Variants in BRIP1 observed in about 807,000 individuals in gnomAD.
BRIP1 encodes BRCA1 interacting DNA helicase 1, also known as Fanconi anemia group J protein.
BRIP1 carries 88 observed loss-of-function variants against 119.7 expected under a neutral mutation model. The observed-to-expected ratio is 0.74, with a 90% CI of 0.62 to 0.88. The LOEUF (loss-of-function observed/expected upper bound fraction) is 0.88. BRIP1 is among the 40% of genes least tolerant of loss of function. The pLI, the probability that BRIP1 is intolerant of heterozygous loss-of-function variation, is 0.00. For missense variants in BRIP1, 1,259 were observed against 1,455.4 expected, an observed-to-expected ratio of 0.87 and a Z score of 2.20; for synonymous variants, 443 against 496.5, an observed-to-expected ratio of 0.89 and a Z score of 1.43.
At chr17:61,790,144 A>C (rs2077793255) in intron 10 of BRIP1, among the ~76,000 whole-genome samples, 1 of 152,158 alleles carries the variant, frequency 6.6e-6, no homozygotes, top group Admixed American at 6.5e-5. Context: ...CAGTACTTCA[A>C]CTTCTGTCAC....
intron 6 of BRIP1, among the ~76,000 whole-genome samples, chr17:61,821,472 T>C (rs762601652): frequency 5.3e-5 from 8 of 152,094 alleles, no homozygotes; most frequent in Non-Finnish European, 7.4e-5. Flanking sequence ...CCAGACCCTA[T>C]TCTCCTGCCT....
chr17:61,800,291 CACAG>C (rs1464849143), intron 8 of BRIP1, among the ~76,000 whole-genome samples: 3 of 152,060 alleles, frequency 2.0e-5, no homozygotes, highest in Admixed American at 2.0e-4. Context: ...AGTAAGAATA[CACAG>C]ACAGCTGAAA....
chr17:61,829,856 A>G (rs2078463033), intron 6 of BRIP1, among the ~76,000 whole-genome samples: 1 of 152,100 alleles, frequency 6.6e-6, no homozygotes, highest in Non-Finnish European at 1.5e-5. Context: ...AGGGAAATGT[A>G]TAGCTTTCAT....
chr17:61,749,485 G>C (rs1454024033), intron 14 of BRIP1, among the ~76,000 whole-genome samples: 1 of 152,098 alleles, frequency 6.6e-6, no homozygotes, highest in African/African-American at 2.4e-5. Flanking sequence ...TGGTTAACAG[G>C]TATATGGAAA....
At chr17:61,790,376 C>G (rs1443773009) in intron 10 of BRIP1, among the ~76,000 whole-genome samples, 2 of 151,986 alleles carry the variant, frequency 1.3e-5, no homozygotes, top group African/African-American at 4.8e-5. Flanking sequence ...GAAACTCCGT[C>G]TCTACTAAAA....
intron 11 of BRIP1, among the ~76,000 whole-genome samples, chr17:61,782,029 A>T (rs1420188148): frequency 6.6e-6 from 1 of 152,102 alleles, no homozygotes; most frequent in Non-Finnish European, 1.5e-5. Flanking sequence ...TAAAGTTGGG[A>T]ACTTAACAAC....
chr17:61,817,660 T>G (rs1316587556), intron 6 of BRIP1, among the ~76,000 whole-genome samples: 1 of 152,238 alleles, frequency 6.6e-6, no homozygotes, highest in African/African-American at 2.4e-5. Flanking sequence ...ATGTAATTAG[T>G]ACAACTAACT....
rs1411068913 is a variant in BRIP1 at position 61,753,266 on chromosome 17, T to C, written c.2098-8675A>G. Among the ~76,000 whole-genome samples, 2 of 152,148 alleles carry C rather than the reference T, an allele frequency of 1.3e-5. No homozygotes were observed. Among genetic ancestry groups the C allele is most frequent in the Admixed American group, 1.3e-4 (2 of 15,278 alleles). On this transcript the variant is annotated intron_variant, in intron 14 of 19. Transcript: ENST00000259008. This position sits in a 1 kb window ranked among gnomAD's most constrained non-coding sequence, Gnocchi z 4.6. ...TCTGTAACTGCAAGAAATAAATTCC[T>C]TTTAAAAAATAAATCACCCAGTTTC...
Position 61,710,858 on chromosome 17 carries a change from T to C in BRIP1, c.2492+5093A>G, listed in dbSNP as rs1370098858. ...GAGTTTGAGACCAGCCTGTCCATCA[T>C]GGTGAAACCCCGTCTCTACTAAAAA... On this transcript the variant is annotated intron_variant, in intron 17 of 19. Transcript: ENST00000259008. The surrounding 1 kb of genome is among the most constrained non-coding windows in gnomAD (Gnocchi z 5.4). 6.6e-6 allele frequency among the ~76,000 whole-genome samples: 1 copy of C among 152,010 alleles called. No individual in the cohort carries two copies. Among genetic ancestry groups the C allele is most frequent in the Admixed American group, 6.6e-5 (1 of 15,248 alleles).
intron 19 of BRIP1, chr17:61,685,392 A>G (rs1450334069): frequency 1.8e-5 from 3 of 162,944 alleles, no homozygotes; most frequent in Non-Finnish European, 2.6e-5. Flanking sequence ...CTATCTATAT[A>G]GGAAAAGTAG....
In BRIP1 at chr17:61,742,215, AAG is replaced by A. The variant is rs1024466561; in HGVS notation, c.2379+796_2379+797del. ...ACCTCTCTCAGCTTTCACAGAATTG[AAG>A]AGAGTTAGGGCCTTGCTCTGAATTA... On this transcript the variant is annotated intron_variant, in intron 16 of 19. Transcript: ENST00000259008. The surrounding 1 kb of genome is among the most constrained non-coding windows in gnomAD (Gnocchi z 4.7). Among the ~76,000 whole-genome samples the A allele has an allele frequency of 4.3e-4, 66 of 152,352 alleles. No homozygotes were observed. The highest frequency in any genetic ancestry group is 1.6e-3 in the African/African-American group (65 of 41,580).
chr17:61,712,306 C>A (rs1485798833), intron 17 of BRIP1, among the ~76,000 whole-genome samples: 3 of 152,036 alleles, frequency 2.0e-5, no homozygotes, highest in African/African-American at 7.2e-5. Context: ...CTCCACCTAC[C>A]AGGTTCAAGC....
intron 3 of BRIP1, among the ~76,000 whole-genome samples, chr17:61,859,171 C>CT (rs1235918783): frequency 6.6e-6 from 1 of 151,328 alleles, no homozygotes; most frequent in Non-Finnish European, 1.5e-5. Context: ...AGAATGTATT[C>CT]TTTTTTATAT....
chr17:61,808,747 T>C lies in BRIP1; in HGVS notation c.638A>G (p.His213Arg), dbSNP rs376760085. 29 of 1,612,944 alleles carry C rather than the reference T, an allele frequency of 1.8e-5. No individual in the cohort carries two copies. The highest frequency in any genetic ancestry group is 2.5e-5 in the Non-Finnish European group (29 of 1,179,876). Residue 213 changes from histidine to arginine, a missense_variant, in exon 7 of 20, where the codon CAC (histidine) becomes CGC (arginine). Around this residue, in one of 3 missense-constraint regions of BRIP1, gnomAD observed 501 missense variants for 544.0 expected, o/e 0.92. Transcript: ENST00000259008. This position sits in a 1 kb window ranked among gnomAD's most constrained non-coding sequence, Gnocchi z 4.1. Reference sequence around the variant, plus strand: ...AGTAGAACAACAGCACCTAGAACAGTGGCCAGGGGGCTGTAAGAAAGGAAA... The same window carrying C: ...AGTAGAACAACAGCACCTAGAACAGCGGCCAGGGGGCTGTAAGAAAGGAAA... The part of the protein sequence containing the change: ...NSFSPQKPPG[H>R]CSRCCCSTKQ...
At position 61,744,045 on chromosome 17, in the gene BRIP1, T is replaced by G. The variant is rs1294531792; in HGVS notation, c.2257+387A>C. On this transcript the variant is annotated intron_variant, in intron 15 of 19. Coordinates refer to ENST00000259008, the MANE Select transcript of BRIP1 (RefSeq NM_032043.3). This position sits in a 1 kb window ranked among gnomAD's most constrained non-coding sequence, Gnocchi z 5.0. ...TGGAATTGAGTTTTCAGTTATGTTTTGAAAATTCAAGTTTACCTTATGTAA... is the reference window on the plus strand; with the variant it reads ...TGGAATTGAGTTTTCAGTTATGTTTGGAAAATTCAAGTTTACCTTATGTAA... 6.6e-6 allele frequency among the ~76,000 whole-genome samples: 1 copy of G among 152,300 alleles called. No homozygotes were observed. The highest frequency in any genetic ancestry group is 1.9e-4 in the East Asian group (1 of 5,180).
chr17:61,820,848 G>A, intron 6 of BRIP1, among the ~76,000 whole-genome samples: 1 of 152,036 alleles, frequency 6.6e-6, no homozygotes, highest in East Asian at 1.9e-4. Flanking sequence ...TACTCGGGAG[G>A]CTGGGGCAGG....
rs2078345028 is a variant in BRIP1, at chr17:61,822,714, CA to C, written c.628-13958del. On this transcript the variant is annotated intron_variant, in intron 6 of 19. Transcript: ENST00000259008. This position sits in a 1 kb window ranked among gnomAD's most constrained non-coding sequence, Gnocchi z 4.4. ...GAAAGGAGGAAAAATAATTGACAAA[CA>C]TCCAGTGATGTGTAAATGTGTAGTG... Among the ~76,000 whole-genome samples the C allele has an allele frequency of 6.6e-6, 1 of 151,884 alleles. No homozygotes were observed. Among genetic ancestry groups the C allele is most frequent in the African/African-American group, 2.4e-5 (1 of 41,296 alleles).
At position 61,848,042 on chromosome 17, in the gene BRIP1, T is replaced by C. The variant is rs1381721080; in HGVS notation, c.508-822A>G. 2.0e-5 allele frequency among the ~76,000 whole-genome samples: 3 copies of C among 152,186 alleles called. No individual in the cohort carries two copies. The highest frequency in any genetic ancestry group is 2.9e-5 in the Non-Finnish European group (2 of 68,038). Reference sequence around the variant, plus strand: ...TATTTCTAAAAACAAGGCTGAATTATAGAAATTTATAAAGACTGTAAGTGG... The same window carrying C: ...TATTTCTAAAAACAAGGCTGAATTACAGAAATTTATAAAGACTGTAAGTGG... On this transcript the variant is annotated intron_variant, in intron 5 of 19. Transcript: ENST00000259008. This position sits in a 1 kb window ranked among gnomAD's most constrained non-coding sequence, Gnocchi z 4.3.
chr17:61,826,296 A>G (rs891411574), intron 6 of BRIP1, among the ~76,000 whole-genome samples: 1 of 152,216 alleles, frequency 6.6e-6, no homozygotes, highest in Non-Finnish European at 1.5e-5. Context: ...AAAACCCTGG[A>G]AGACAACCTA....
Sources: allele counts gnomAD v4.1 joint callset (sites outside exome capture counted in the v4.1 genomes callset), GRCh38; gene constraint gnomAD v4.1.1; regional missense constraint gnomAD v4.1.1; non-coding constraint Gnocchi (gnomAD v3.1); transcripts MANE v1.5; gene names NCBI Gene and HGNC (gene_info 2026-07-23, HGNC 2026-07-21).